Variants in NCAM2 observed in about 807,000 individuals in gnomAD.
NCAM2 encodes the protein neural cell adhesion molecule 2.
A neutral mutation model predicts 98.1 loss-of-function variants in NCAM2; 30 were observed. The observed-to-expected ratio is 0.31, with a 90% CI of 0.23 to 0.41. The LOEUF is 0.41. Ranked by LOEUF, NCAM2 falls within the 10% of genes least tolerant of loss-of-function variation. The pLI is 1.00. For missense variants in NCAM2, 867 were observed against 1,005.8 expected (o/e 0.86, Z 1.87); for synonymous variants, 368 against 342.4 (o/e 1.07, Z -0.83).
chr21:21,302,468 GT>G (rs1378516554), intron 5 of NCAM2, among the ~76,000 whole-genome samples: 1 of 151,950 alleles, frequency 6.6e-6, no homozygotes, highest in Non-Finnish European at 1.5e-5. Context: ...CTATGTGTCT[GT>G]TTTTTCTGTA....
intron 4 of NCAM2, among the ~76,000 whole-genome samples, chr21:21,291,496 C>T (rs962749609): frequency 4.0e-5 from 6 of 151,744 alleles, no homozygotes; most frequent in South Asian, 2.1e-4. Flanking sequence ...CACACACACA[C>T]ACAAATGGAA....
At chr21:21,054,247 G>GT (rs1202230357) in intron 1 of NCAM2, among the ~76,000 whole-genome samples, 3 of 151,882 alleles carry the variant, frequency 2.0e-5, no homozygotes, top group Non-Finnish European at 2.9e-5. Flanking sequence ...GAACCTAGGC[G>GT]TAAGTACAAA....
At chr21:21,181,507 A>AT (rs1284868526) in intron 1 of NCAM2, among the ~76,000 whole-genome samples, 1 of 152,194 alleles carries the variant, frequency 6.6e-6, no homozygotes, top group Non-Finnish European at 1.5e-5. Flanking sequence ...GTTGTCAAAA[A>AT]TTAAAATAAA....
At chr21:21,481,622 T>C (rs1466761582) in intron 15 of NCAM2, among the ~76,000 whole-genome samples, 1 of 152,078 alleles carries the variant, frequency 6.6e-6, no homozygotes, top group East Asian at 1.9e-4. Flanking sequence ...AGAAGGTCTT[T>C]TATGATGAAA....
At chr21:21,048,427 G>C (rs1449295417) in intron 1 of NCAM2, among the ~76,000 whole-genome samples, 4 of 151,656 alleles carry the variant, frequency 2.6e-5, no homozygotes, top group Non-Finnish European at 4.4e-5. Context: ...ATCTCTGCTC[G>C]CTGCAAGCTC....
At chr21:21,472,570 TATAG>T (rs1381492260) in intron 14 of NCAM2, among the ~76,000 whole-genome samples, 1 of 152,012 alleles carries the variant, frequency 6.6e-6, no homozygotes, top group Non-Finnish European at 1.5e-5. Context: ...TTCTTCTTTG[TATAG>T]ATAGACTATG....
chr21:21,107,180 C>T (rs1366670044), intron 1 of NCAM2, among the ~76,000 whole-genome samples: 2 of 152,084 alleles, frequency 1.3e-5, no homozygotes, highest in Non-Finnish European at 2.9e-5. Flanking sequence ...ATCCTGTTTA[C>T]ATTTCACATG....
At chr21:21,479,959 G>T (rs1985683325) in intron 15 of NCAM2, among the ~76,000 whole-genome samples, 1 of 152,044 alleles carries the variant, frequency 6.6e-6, no homozygotes, top group African/African-American at 2.4e-5. Flanking sequence ...ACTTCTTTGT[G>T]ACAAACCCTT....
chr21:21,194,083 T>A (rs1383451987), intron 1 of NCAM2, among the ~76,000 whole-genome samples: 1 of 152,130 alleles, frequency 6.6e-6, no homozygotes, highest in Non-Finnish European at 1.5e-5. Context: ...ACAACCTACA[T>A]TTAATCTTAT....
rs183689152 is a variant in NCAM2, at chr21:21,529,174, A to G, written c.2283-5363A>G. 3.9e-5 allele frequency among the ~76,000 whole-genome samples: 6 copies of G among 152,126 alleles called. No homozygotes were observed. In the East Asian group the frequency reaches 1.2e-3, roughly 29 times the overall value. On this transcript the variant is annotated intron_variant, in intron 16 of 17. Transcript: ENST00000400546. Reference sequence around the variant, plus strand: ...GAAAGTATCATGACAGTAGGATCCAATGGTTATTGTGAGTGAAATATTACA... The same window carrying G: ...GAAAGTATCATGACAGTAGGATCCAGTGGTTATTGTGAGTGAAATATTACA...
At chr21:21,487,779 T>G (rs1446904907) in intron 15 of NCAM2, among the ~76,000 whole-genome samples, 1 of 152,104 alleles carries the variant, frequency 6.6e-6, no homozygotes, top group East Asian at 1.9e-4. Context: ...CAGTTCACAG[T>G]AAGACCCACA....
intron 1 of NCAM2, among the ~76,000 whole-genome samples, chr21:21,247,307 A>C (rs1293691277): frequency 6.6e-6 from 1 of 152,186 alleles, no homozygotes; most frequent in Non-Finnish European, 1.5e-5. Flanking sequence ...CGACAGAGCA[A>C]GACTCCGTCT....
At chr21:21,246,210 C>T (rs2071266251) in intron 1 of NCAM2, among the ~76,000 whole-genome samples, 2 of 152,036 alleles carry the variant, frequency 1.3e-5, no homozygotes, top group African/African-American at 4.8e-5. Context: ...TACTGCCAGT[C>T]ATGTAAGTGA....
At chr21:21,147,028 C>T in intron 1 of NCAM2, 6 of 821,254 alleles carry the variant, frequency 7.3e-6, no homozygotes, top group Non-Finnish European at 8.4e-6. Context: ...AATCTCGCGC[C>T]CTGTCCCACT....
intron 8 of NCAM2, among the ~76,000 whole-genome samples, chr21:21,349,643 A>T (rs2075282081): frequency 6.6e-6 from 1 of 152,210 alleles, no homozygotes; most frequent in Non-Finnish European, 1.5e-5. Flanking sequence ...TGTTTGTTGC[A>T]GCACTGTTAC....
At chr21:21,228,796 C>T (rs1008445591) in intron 1 of NCAM2, among the ~76,000 whole-genome samples, 1 of 151,404 alleles carries the variant, frequency 6.6e-6, no homozygotes, top group Non-Finnish European at 1.5e-5. Context: ...TTAGTCATAT[C>T]TGCTGCAACT....
intron 16 of NCAM2, among the ~76,000 whole-genome samples, chr21:21,512,037 T>G (rs1988418134): frequency 6.6e-6 from 1 of 152,062 alleles, no homozygotes; most frequent in South Asian, 2.1e-4. Context: ...TGTCCTCCTA[T>G]TCTGTGGGTT....
intron 1 of NCAM2, among the ~76,000 whole-genome samples, chr21:21,258,979 G>A (rs1184741080): frequency 1.3e-5 from 2 of 152,098 alleles, no homozygotes; most frequent in Non-Finnish European, 2.9e-5. Context: ...AGGTACTGAC[G>A]GCCACGAACA....
chr21:21,054,267 G>T (rs1187119916), intron 1 of NCAM2, among the ~76,000 whole-genome samples: 1 of 151,906 alleles, frequency 6.6e-6, no homozygotes, highest in Non-Finnish European at 1.5e-5. Flanking sequence ...ATTTGTTGGT[G>T]AATATTGGTT....
Sources: allele counts gnomAD v4.1 joint callset (sites outside exome capture counted in the v4.1 genomes callset), GRCh38; gene constraint gnomAD v4.1.1; transcripts MANE v1.5; gene names NCBI Gene and HGNC (gene_info 2026-07-23, HGNC 2026-07-21).